KLF12: variants seen among roughly 807,000 people sequenced by gnomAD.
The protein encoded by KLF12 is KLF transcription factor 12, also known as Krueppel-like factor 12.
A neutral mutation model predicts 37.8 loss-of-function variants in KLF12; 9 were observed. The observed-to-expected ratio is 0.24, with a 90% CI of 0.14 to 0.42. The LOEUF (loss-of-function observed/expected upper bound fraction) is 0.42, where lower values mean the gene tolerates loss of function less well. Ranked by LOEUF, KLF12 falls within the 10% of genes least tolerant of loss-of-function variation. The pLI is 1.00. For synonymous variants in KLF12, 208 were observed against 202.1 expected (o/e 1.03, Z -0.25); for missense variants, 411 against 516.0 (o/e 0.80, Z 1.97).
chr13:74,166,586 C>T, the KLF12 span, among the ~76,000 whole-genome samples: 19 of 152,040 alleles, frequency 1.2e-4, no homozygotes, highest in Admixed American at 2.0e-4. Context: ...ATTAGAAAAC[C>T]GACATATAAG....
At chr13:74,139,869 CT>C in the KLF12 span, among the ~76,000 whole-genome samples, 1 of 151,120 alleles carries the variant, frequency 6.6e-6, no homozygotes, top group Non-Finnish European at 1.5e-5. Context: ...GGTATCCTTG[CT>C]TTTTTAACTT....
At chr13:74,071,547 G>T (rs377750351) in intron 1 of KLF12, among the ~76,000 whole-genome samples, 182 of 151,828 alleles carry the variant, frequency 1.2e-3, no homozygotes, top group African/African-American at 4.2e-3. Flanking sequence ...AAAAAAATTA[G>T]CCGGGCGTGG....
At chr13:73,937,604 G>A (rs1196955465) in intron 3 of KLF12, among the ~76,000 whole-genome samples, 1 of 152,108 alleles carries the variant, frequency 6.6e-6, no homozygotes, top group African/African-American at 2.4e-5. Flanking sequence ...AGGGACATCT[G>A]GATTGTGGGT....
intron 1 of KLF12, among the ~76,000 whole-genome samples, chr13:74,076,934 A>G (rs1267712860): frequency 6.6e-6 from 1 of 152,184 alleles, no homozygotes; most frequent in Non-Finnish European, 1.5e-5. Flanking sequence ...GCTGAGGATC[A>G]CAGCCTCCAG....
At chr13:73,944,138 T>C in intron 2 of KLF12, 68 bp from the exon 3 acceptor site, 1 of 922,302 alleles carries the variant, frequency 1.1e-6, no homozygotes, top group Non-Finnish European at 1.8e-6. Context: ...TGGGAGAGTC[T>C]TCCCTCATTG....
At chr13:73,885,773 A>G (rs1163282077) in intron 3 of KLF12, among the ~76,000 whole-genome samples, 1 of 152,242 alleles carries the variant, frequency 6.6e-6, no homozygotes, top group African/African-American at 2.4e-5. Flanking sequence ...AACCTGGTAC[A>G]CAGAGAATAC....
chr13:73,807,526 C>A (rs935703306), intron 5 of KLF12, among the ~76,000 whole-genome samples: 1 of 152,050 alleles, frequency 6.6e-6, no homozygotes, highest in African/African-American at 2.4e-5. Flanking sequence ...AGGCAGAGAA[C>A]GACAGTGAAG....
intron 4 of KLF12, among the ~76,000 whole-genome samples, chr13:73,831,319 T>C (rs930409652): frequency 3.3e-5 from 5 of 152,130 alleles, no homozygotes; most frequent in Non-Finnish European, 7.4e-5. Flanking sequence ...AGTTTTCTCA[T>C]TGCAAAACAC....
chr13:73,875,517 T>C (rs557454334), intron 3 of KLF12, among the ~76,000 whole-genome samples: 2 of 152,298 alleles, frequency 1.3e-5, no homozygotes, highest in Non-Finnish European at 2.9e-5. Flanking sequence ...TGTTGTACAT[T>C]GTGTGATACA....
In KLF12 at chr13:73,984,353, G is replaced by A. The variant is rs115015991; in HGVS notation, c.33+10637C>T. ...TGTCGCCTATGTGCCTGCTCTCCTC[G>A]CTGGCACAGGGAAGCGGCTGGTCCA... is the stretch of plus-strand genomic sequence containing the variant. On this transcript the variant is annotated intron_variant, in intron 2 of 7. Coordinates refer to ENST00000377669, the MANE Select transcript of KLF12 (RefSeq NM_007249.5). 4.6e-3 allele frequency among the ~76,000 whole-genome samples: 705 copies of A among 152,262 alleles called. 4 individuals carry two copies. Among genetic ancestry groups the A allele is most frequent in the African/African-American group, 0.016 (672 of 41,534 alleles).
chr13:73,744,813 G>A (rs1240791463), intron 6 of KLF12, among the ~76,000 whole-genome samples: 1 of 152,174 alleles, frequency 6.6e-6, no homozygotes, highest in Non-Finnish European at 1.5e-5. Flanking sequence ...GCATAGGTGA[G>A]CATACGCATG....
At chr13:74,170,858 G>A in the KLF12 span, among the ~76,000 whole-genome samples, 1 of 152,148 alleles carries the variant, frequency 6.6e-6, no homozygotes, top group African/African-American at 2.4e-5. Flanking sequence ...TTTGCCTCCT[G>A]GGTTCAAGTG....
intron 5 of KLF12, among the ~76,000 whole-genome samples, chr13:73,776,008 C>G (rs903525636): frequency 2.0e-5 from 3 of 152,072 alleles, no homozygotes; most frequent in Non-Finnish European, 4.4e-5. Flanking sequence ...AAACTAGATT[C>G]TAAAGATGAT....
intron 3 of KLF12, among the ~76,000 whole-genome samples, chr13:73,873,119 A>C (rs1886548898): frequency 6.6e-6 from 1 of 152,014 alleles, no homozygotes; most frequent in Non-Finnish European, 1.5e-5. Flanking sequence ...AAGCCTAAAG[A>C]AAGAATCTTT....
intron 2 of KLF12, among the ~76,000 whole-genome samples, chr13:73,984,317 C>T (rs1357823533): frequency 1.3e-5 from 2 of 152,192 alleles, no homozygotes; most frequent in Non-Finnish European, 2.9e-5. Context: ...GAAGGTGCAG[C>T]TCACACACAC....
At chr13:74,089,293 A>G (rs573177306) in intron 1 of KLF12, among the ~76,000 whole-genome samples, 2 of 152,292 alleles carry the variant, frequency 1.3e-5, no homozygotes, top group African/African-American at 4.8e-5. Context: ...GATTCATTCC[A>G]TTTTTAAAAC....
the KLF12 span, among the ~76,000 whole-genome samples, chr13:74,202,000 G>T: frequency 6.6e-6 from 1 of 152,136 alleles, no homozygotes; most frequent in Non-Finnish European, 1.5e-5. Context: ...CTAATCCTAT[G>T]AGAGGCTGTT....
At chr13:73,995,140 T>C (rs1892072888) in intron 1 of KLF12, 87 bp from the exon 2 acceptor site, 1 of 802,604 alleles carries the variant, frequency 1.2e-6, no homozygotes, top group Admixed American at 2.2e-5. Flanking sequence ...TACATCTTAA[T>C]TCTACAGTTC....
chr13:74,260,574 TAAATAAAATAAAATAAAATAAAATA>T, the KLF12 span, among the ~76,000 whole-genome samples: 1 of 100,318 alleles, frequency 1.0e-5, no homozygotes. Context: ...TAAAATAAAA[TAAATAAAATAAAATAAAATAAAATA>T]AAATAAAATA....
Sources: allele counts gnomAD v4.1 joint callset (sites outside exome capture counted in the v4.1 genomes callset), GRCh38; gene constraint gnomAD v4.1.1; transcripts MANE v1.5; gene names NCBI Gene and HGNC (gene_info 2026-07-23, HGNC 2026-07-21).